EYS: variants seen among roughly 807,000 people sequenced by gnomAD.
The protein encoded by EYS is protein eyes shut homolog.
Under a neutral mutation model 282.1 loss-of-function variants are expected in EYS, and 250 were observed. The ratio of observed to expected loss-of-function variants is 0.89; its 90% CI spans 0.80 to 0.98. The LOEUF (loss-of-function observed/expected upper bound fraction) is 0.98, where lower values mean the gene tolerates loss of function less well. Ranked by LOEUF, EYS falls within the 50% of genes least tolerant of loss-of-function variation. The pLI is 0.00. For synonymous variants in EYS, 1,355 were observed against 1,282.9 expected, an observed-to-expected ratio of 1.06 and a Z score of -1.20; for missense variants, 4,016 against 3,709.0, an observed-to-expected ratio of 1.08 and a Z score of -2.15.
intron 36 of EYS, among the ~76,000 whole-genome samples, chr6:63,815,418 A>T (rs969358869): frequency 2.0e-5 from 3 of 152,196 alleles, no homozygotes; most frequent in Non-Finnish European, 4.4e-5. Flanking sequence ...TACTCATGAC[A>T]TTGGCCAGTT....
At chr6:64,199,186 C>A (rs933458420) in intron 31 of EYS, among the ~76,000 whole-genome samples, 1 of 152,182 alleles carries the variant, frequency 6.6e-6, no homozygotes, top group Non-Finnish European at 1.5e-5. Context: ...TCAAACTATA[C>A]TACAAGGCTA....
chr6:64,602,735 A>G (rs973194978), intron 24 of EYS, among the ~76,000 whole-genome samples: 1 of 152,108 alleles, frequency 6.6e-6, no homozygotes, highest in Non-Finnish European at 1.5e-5. Context: ...ACATGCATCA[A>G]GAAACATTTT....
intron 30 of EYS, among the ~76,000 whole-genome samples, chr6:64,268,519 G>A (rs1179773950): frequency 1.3e-5 from 2 of 152,100 alleles, no homozygotes. Flanking sequence ...ACACATTTGA[G>A]GAGGTGTAAT....
intron 29 of EYS, among the ~76,000 whole-genome samples, chr6:64,384,399 C>T (rs549014141): frequency 6.6e-6 from 1 of 152,232 alleles, no homozygotes; most frequent in East Asian, 1.9e-4. Context: ...TATAATAGTA[C>T]ATGCAATCAC....
intron 31 of EYS, among the ~76,000 whole-genome samples, chr6:64,208,293 T>G (rs151194134): frequency 6.1e-4 from 93 of 152,320 alleles, no homozygotes; most frequent in African/African-American, 2.2e-3. Flanking sequence ...TTATGCAGCC[T>G]TTTAAAGCCA....
At chr6:64,862,073 A>G (rs1766256353) in intron 19 of EYS, among the ~76,000 whole-genome samples, 1 of 152,184 alleles carries the variant, frequency 6.6e-6, no homozygotes, top group Non-Finnish European at 1.5e-5. Flanking sequence ...CTAGACAGTG[A>G]CTTCTAGGCT....
intron 26 of EYS, among the ~76,000 whole-genome samples, chr6:64,467,409 A>G (rs536496596): frequency 1.8e-4 from 28 of 152,332 alleles, no homozygotes; most frequent in Middle Eastern, 3.4e-3. Context: ...TCTATGATCT[A>G]GCAAGTCCAA....
chr6:63,916,022 A>C (rs1326574290), intron 35 of EYS, among the ~76,000 whole-genome samples: 1 of 152,262 alleles, frequency 6.6e-6, no homozygotes, highest in Non-Finnish European at 1.5e-5. Context: ...GATTTGAAAC[A>C]AGTTCTGCTA....
At position 65,295,899 on chromosome 6, in the gene EYS, C is replaced by T; in HGVS notation, c.1987G>A (p.Gly663Arg). The T allele has an allele frequency of 6.5e-7, 1 of 1,549,844 alleles. No individual in the cohort carries two copies. The change falls in exon 12 of 43, where the codon GGA becomes AGA. Residue 663 changes from glycine (G) to arginine (R), a missense_variant. Transcript: ENST00000503581. ...KNGTTSTHLR[G>R]YFFRKCVPGF... Reference sequence around the variant, plus strand: ...GGGACACACTTGCGGAAGAAATATCCCCTTAAATGTGTACTAGTTGTTCCA... The same window carrying T: ...GGGACACACTTGCGGAAGAAATATCTCCTTAAATGTGTACTAGTTGTTCCA...
At chr6:64,604,595 T>G (rs1766865868) in intron 24 of EYS, among the ~76,000 whole-genome samples, 1 of 152,034 alleles carries the variant, frequency 6.6e-6, no homozygotes, top group Admixed American at 6.6e-5. Context: ...TTAAGGATAA[T>G]TTTCTTTTTC....
intron 25 of EYS, among the ~76,000 whole-genome samples, chr6:64,592,847 G>C (rs1562081156): frequency 6.6e-6 from 1 of 152,022 alleles, no homozygotes; most frequent in Non-Finnish European, 1.5e-5. Flanking sequence ...AAATGTGCTG[G>C]GATTGAGGTC....
intron 16 of EYS, among the ~76,000 whole-genome samples, chr6:64,910,297 C>A (rs1167293862): frequency 2.0e-5 from 3 of 152,004 alleles, no homozygotes; most frequent in African/African-American, 2.4e-5. Context: ...TTAAAGTAAC[C>A]CAGTCAAAGC....
chr6:65,296,199 T>C, intron 11 of EYS, 80 bp from the exon 12 acceptor site: 5 of 1,279,920 alleles, frequency 3.9e-6, no homozygotes, highest in Non-Finnish European at 4.2e-6. Flanking sequence ...CACACATTTA[T>C]TTAAAAACAC....
intron 34 of EYS, among the ~76,000 whole-genome samples, chr6:63,993,326 A>C (rs1266765722): frequency 1.3e-5 from 2 of 151,800 alleles, no homozygotes; most frequent in East Asian, 3.9e-4. Flanking sequence ...CAAAAGAAAA[A>C]AAAAAGGAAC....
chr6:64,272,391 T>C (rs1373986911), intron 30 of EYS, among the ~76,000 whole-genome samples: 7 of 152,218 alleles, frequency 4.6e-5, no homozygotes, highest in Non-Finnish European at 8.8e-5. Context: ...CAATTTGGTA[T>C]GTTTTTGCAG....
intron 40 of EYS, among the ~76,000 whole-genome samples, chr6:63,769,177 CACTT>C (rs1019730385): frequency 2.0e-5 from 3 of 151,924 alleles, no homozygotes; most frequent in African/African-American, 4.8e-5. Context: ...CGGCAACACA[CACTT>C]ACGTAACAAA....
At chr6:64,428,476 C>G (rs966358416) in intron 28 of EYS, among the ~76,000 whole-genome samples, 1 of 152,074 alleles carries the variant, frequency 6.6e-6, no homozygotes, top group Non-Finnish European at 1.5e-5. Context: ...GTCATTTATA[C>G]TAGAACCTCT....
At chr6:63,747,779 A>G (rs928471984) in intron 41 of EYS, among the ~76,000 whole-genome samples, 2 of 150,330 alleles carry the variant, frequency 1.3e-5, no homozygotes, top group African/African-American at 4.9e-5. Context: ...ACCTCTGCTT[A>G]TTTTTGCTTT....
chr6:65,694,579 T>A (rs1466257757), intron 1 of EYS, among the ~76,000 whole-genome samples: 1 of 150,052 alleles, frequency 6.7e-6, no homozygotes, highest in African/African-American at 2.4e-5. Context: ...CTCAGGTAAC[T>A]AAAACTATAA....
Sources: allele counts gnomAD v4.1 joint callset (sites outside exome capture counted in the v4.1 genomes callset), GRCh38; gene constraint gnomAD v4.1.1; transcripts MANE v1.5; gene names NCBI Gene and HGNC (gene_info 2026-07-23, HGNC 2026-07-21).